ZC3H6: variants seen among roughly 807,000 people sequenced by gnomAD.
ZC3H6 encodes zinc finger CCCH-type containing 6.
Under a neutral mutation model 107.7 loss-of-function variants are expected in ZC3H6, and 40 were observed. The observed-to-expected ratio is 0.37, with a 90% CI of 0.29 to 0.48. The LOEUF (loss-of-function observed/expected upper bound fraction) is 0.48, where lower values mean the gene tolerates loss of function less well. Among genes scored for constraint, ZC3H6 ranks in the 20% least tolerant of loss-of-function variants. ZC3H6 has a pLI of 0.98. For missense variants in ZC3H6, 1,267 were observed against 1,410.4 expected, an observed-to-expected ratio of 0.90 and a Z score of 1.63; for synonymous variants, 493 against 487.9, an observed-to-expected ratio of 1.01 and a Z score of -0.14.
In ZC3H6 at chr2:112,309,772, A is replaced by G. The variant is rs1011641290; in HGVS notation, c.337-113A>G. The G allele has an allele frequency of 1.6e-5, 16 of 1,031,138 alleles. No homozygotes were observed. The Admixed American group carries it at 2.2e-4, about 14-fold the overall frequency. 63.9% of individuals were successfully genotyped at this position (1,031,138 alleles called of 1,614,324 possible). On this transcript the variant is annotated intron_variant, in intron 3 of 11. Coordinates refer to ENST00000409871, the MANE Select transcript of ZC3H6 (RefSeq NM_198581.3). The stretch of plus-strand genomic sequence containing the variant: ...TACTGATCAAGAGTCAGAACTAATA[A>G]CTGTCTTTTCTCCTTTCTCCAAACT...
In ZC3H6 at chr2:112,275,728, A is replaced by C; in HGVS notation, c.-267A>C. 1 of 414,298 alleles carries C rather than the reference A, an allele frequency of 2.4e-6. No individual in the cohort carries two copies. The highest frequency in any genetic ancestry group is 4.3e-6 in the Non-Finnish European group (1 of 233,802). The allele number at this position is 414,298 out of a possible 1,614,324, so 25.7% of individuals were successfully genotyped here. On this transcript the variant is annotated 5_prime_UTR_variant, in exon 1 of 12. Coordinates refer to ENST00000409871, the MANE Select transcript of ZC3H6 (RefSeq NM_198581.3). Reference sequence around the variant, plus strand: ...TCCCACGCCACAGCCACCGGCGGCGAATAGAGACTAGAGCGGCAGCGCCGG... The same window carrying C: ...TCCCACGCCACAGCCACCGGCGGCGCATAGAGACTAGAGCGGCAGCGCCGG...
At chr2:112,301,096 C>A (rs1168974042) in intron 2 of ZC3H6, among the ~76,000 whole-genome samples, 5 of 152,160 alleles carry the variant, frequency 3.3e-5, no homozygotes, top group African/African-American at 1.2e-4. Flanking sequence ...AAAGGGACTT[C>A]CAGAAACCAA....
At position 112,299,978 on chromosome 2, in the gene ZC3H6, G is replaced by A; in HGVS notation, c.162G>A (p.Lys54=). Residue 54 remains lysine, a synonymous_variant, in exon 2 of 12, where the codon AAG becomes AAA. Transcript: ENST00000409871. The part of the protein sequence containing the change: ...KAYRKSRKKH[K]KEREKKKSKR... ...ACAGAAAATCAAGAAAAAAACATAA[G>A]AAAGAGAGAGAGAAGAAAAAATCCA... The A allele has an allele frequency of 3.3e-6, 5 of 1,494,650 alleles. No homozygotes were observed. Among genetic ancestry groups the A allele is most frequent in the Non-Finnish European group, 4.4e-6 (5 of 1,124,650 alleles). 92.6% of individuals were successfully genotyped at this position (1,494,650 alleles called of 1,614,324 possible).
At chr2:112,311,734 C>T (rs1353256583) in intron 4 of ZC3H6, 70 bp from the exon 5 acceptor site, 12 of 1,388,672 alleles carry the variant, frequency 8.6e-6, no homozygotes, top group Middle Eastern at 1.8e-4. Context: ...ATGTGCTGTT[C>T]CTTATAAACT....
At position 112,332,588 on chromosome 2, in the gene ZC3H6, A is replaced by T. The variant is rs1573968351; in HGVS notation, c.*100A>T. On this transcript the variant is annotated 3_prime_UTR_variant, in exon 12 of 12. Coordinates refer to ENST00000409871, the MANE Select transcript of ZC3H6 (RefSeq NM_198581.3). ...TCTATAGTTTATTTATTTTTAAATT[A>T]TAAACACTTTTCAGCTGCTAGTATC... 2 of 1,250,182 alleles carry T rather than the reference A, an allele frequency of 1.6e-6. No individual in the cohort carries two copies. Among genetic ancestry groups the T allele is most frequent in the East Asian group, 4.8e-5 (2 of 41,506 alleles). The allele number at this position is 1,250,182 out of a possible 1,614,324, so 77.4% of individuals were successfully genotyped here.
rs1676699098 is a variant in ZC3H6 at position 112,316,511 on chromosome 2, A to T, written c.789A>T (p.Glu263Asp). The T allele has an allele frequency of 1.2e-6, 2 of 1,609,996 alleles. No homozygotes were observed. The highest frequency in any genetic ancestry group is 1.7e-6 in the Non-Finnish European group (2 of 1,178,642). ...AAAAATGGAAGGTTATGACTCAGGAATTTATTAATCAGCACACAGTGGAAC... is the reference window on the plus strand; with the variant it reads ...AAAAATGGAAGGTTATGACTCAGGATTTTATTAATCAGCACACAGTGGAAC... ...PGKKWKVMTQ[E>D]FINQHTVEHK... The change falls in exon 6 of 12, where the codon GAA becomes GAT. Residue 263 changes from glutamate (E) to aspartate (D), a missense_variant. This residue lies in a region of ZC3H6 where 337 missense variants were observed against 361.2 expected (regional missense o/e 0.93). Coordinates refer to ENST00000409871, the MANE Select transcript of ZC3H6 (RefSeq NM_198581.3).
intron 1 of ZC3H6, among the ~76,000 whole-genome samples, chr2:112,282,078 T>C (rs1427864805): frequency 6.6e-6 from 1 of 152,226 alleles, no homozygotes; most frequent in Admixed American, 6.5e-5. Context: ...CACAGTCTTA[T>C]CATTCATAGT....
Position 112,339,998 on chromosome 2 carries a change from T to A in ZC3H6, c.*7510T>A, listed in dbSNP as rs1173321751. On this transcript the variant is annotated 3_prime_UTR_variant, in exon 12 of 12. Transcript: ENST00000409871. The stretch of plus-strand genomic sequence containing the variant: ...AAGTTGCATACTGTTGTTGCAAGTT[T>A]CTGTAATTTTTTTCTGTATACCTTT... 6.6e-6 allele frequency: 1 copy of A among 152,236 alleles called. No individual in the cohort carries two copies. Among genetic ancestry groups the A allele is most frequent in the Non-Finnish European group, 1.5e-5 (1 of 68,044 alleles). The allele number at this position is 152,236 out of a possible 1,614,324, so 9.4% of individuals were successfully genotyped here.
intron 1 of ZC3H6, among the ~76,000 whole-genome samples, chr2:112,298,628 C>T (rs377744086): frequency 2.0e-5 from 3 of 152,094 alleles, no homozygotes; most frequent in Non-Finnish European, 4.4e-5. Context: ...TGCTTATTGC[C>T]GAGTTATCGG....
chr2:112,281,671 G>A (rs1686528679), intron 1 of ZC3H6, among the ~76,000 whole-genome samples: 1 of 152,162 alleles, frequency 6.6e-6, no homozygotes. Context: ...TGAGAAAGTA[G>A]GCACAATTCA....
intron 5 of ZC3H6, among the ~76,000 whole-genome samples, chr2:112,314,861 T>C (rs1478911369): frequency 2.0e-5 from 3 of 152,188 alleles, no homozygotes; most frequent in Non-Finnish European, 4.4e-5. Flanking sequence ...CTGGGGTAAA[T>C]TAGGTATGTT....
At chr2:112,321,099 C>A (rs570952118) in intron 7 of ZC3H6, among the ~76,000 whole-genome samples, 4 of 152,112 alleles carry the variant, frequency 2.6e-5, no homozygotes, top group African/African-American at 9.6e-5. Context: ...TCCAGCTATT[C>A]CCTGAACATA....
intron 5 of ZC3H6, among the ~76,000 whole-genome samples, chr2:112,312,546 A>G (rs1327219126): frequency 6.6e-6 from 1 of 152,192 alleles, no homozygotes; most frequent in African/African-American, 2.4e-5. Flanking sequence ...ATTGAATTAT[A>G]GAGGCAATAG....
chr2:112,309,131 T>C (rs1676546834), intron 3 of ZC3H6, among the ~76,000 whole-genome samples: 2 of 152,276 alleles, frequency 1.3e-5, no homozygotes, highest in South Asian at 4.1e-4. Context: ...GATCCTTAAG[T>C]TGTAATTATG....
chr2:112,287,897 C>T (rs956552315), intron 1 of ZC3H6, among the ~76,000 whole-genome samples: 7 of 151,938 alleles, frequency 4.6e-5, no homozygotes, highest in Admixed American at 2.0e-4. Context: ...CCACCGCCCC[C>T]GGCCGTTGGA....
chr2:112,314,367 T>C lies in ZC3H6; in HGVS notation c.748-2103T>C, dbSNP rs532982185. On this transcript the variant is annotated intron_variant, in intron 5 of 11. Coordinates refer to ENST00000409871, the MANE Select transcript of ZC3H6 (RefSeq NM_198581.3). ...CTTTAGATTTTCTATAGTACCTTGA[T>C]TATAGTCAGGTTTCCCATAGCTGTG... is the stretch of plus-strand genomic sequence containing the variant. Among the ~76,000 whole-genome samples, 22 of 152,302 alleles carry C rather than the reference T, an allele frequency of 1.4e-4. No homozygotes were observed. In the South Asian group the frequency reaches 4.6e-3, roughly 32 times the overall value.
At chr2:112,298,928 A>G (rs1056000867) in intron 1 of ZC3H6, among the ~76,000 whole-genome samples, 1 of 152,220 alleles carries the variant, frequency 6.6e-6, no homozygotes, top group Non-Finnish European at 1.5e-5. Context: ...CCTTTAAGCC[A>G]CATGCCTGTA....
chr2:112,288,436 A>T (rs1264862914), intron 1 of ZC3H6, among the ~76,000 whole-genome samples: 2 of 152,206 alleles, frequency 1.3e-5, no homozygotes, highest in Non-Finnish European at 2.9e-5. Flanking sequence ...TAGGTGGTAC[A>T]GTGCTAGGTA....
intron 7 of ZC3H6, among the ~76,000 whole-genome samples, chr2:112,319,773 T>C (rs1373851634): frequency 2.0e-5 from 3 of 152,206 alleles, no homozygotes; most frequent in Non-Finnish European, 4.4e-5. Context: ...TTATTCTCTC[T>C]ACTTTGGTAT....
Sources: allele counts gnomAD v4.1 joint callset (sites outside exome capture counted in the v4.1 genomes callset), GRCh38; gene constraint gnomAD v4.1.1; regional missense constraint gnomAD v4.1.1; transcripts MANE v1.5; gene names NCBI Gene and HGNC (gene_info 2026-07-23, HGNC 2026-07-21).